Variants in MLLT10 observed in about 807,000 individuals in gnomAD.
MLLT10 encodes the protein protein AF-10.
A neutral mutation model predicts 129.1 loss-of-function variants in MLLT10; 30 were observed. The ratio of observed to expected loss-of-function variants is 0.23; its 90% CI spans 0.17 to 0.32. The LOEUF (loss-of-function observed/expected upper bound fraction) is 0.32. Among genes scored for constraint, MLLT10 ranks in the 10% least tolerant of loss-of-function variants. The probability of loss-of-function intolerance (pLI) is 1.00; values close to 1 mark genes in which losing one functional copy is unlikely to be tolerated. For missense variants in MLLT10, 1,119 were observed against 1,268.3 expected, an observed-to-expected ratio of 0.88 and a Z score of 1.79; for synonymous variants, 490 against 446.4, an observed-to-expected ratio of 1.10 and a Z score of -1.23.
At chr10:21,639,900 T>G (rs775826500) in intron 8 of MLLT10, among the ~76,000 whole-genome samples, 1 of 151,858 alleles carries the variant, frequency 6.6e-6, no homozygotes, top group Non-Finnish European at 1.5e-5. Flanking sequence ...TCATGGCCTG[T>G]CTTGGGGAGA....
chr10:21,717,665 T>TTCCTCCTCCTCTTCCTCCTCCTCTTCC (rs1564710862), intron 14 of MLLT10, among the ~76,000 whole-genome samples: 1 of 39,412 alleles, frequency 2.5e-5, no homozygotes, highest in African/African-American at 1.1e-4. Flanking sequence ...CCTCCTCCTC[T>TTCCTCCTCCTCTTCCTCCTCCTCTTCC]TCCTCCTCCT....
intron 13 of MLLT10, among the ~76,000 whole-genome samples, chr10:21,709,008 TAAG>T (rs1736990628): frequency 6.6e-6 from 1 of 152,162 alleles, no homozygotes; most frequent in African/African-American, 2.4e-5. Context: ...GTTTTATAGA[TAAG>T]AATAATATGG....
intron 8 of MLLT10, among the ~76,000 whole-genome samples, chr10:21,645,720 A>T (rs1262582693): frequency 2.6e-5 from 4 of 152,212 alleles, no homozygotes; most frequent in African/African-American, 9.7e-5. Context: ...TTTGTCCCAG[A>T]CATTTCTGTC....
intron 3 of MLLT10, among the ~76,000 whole-genome samples, chr10:21,553,201 CTTGA>C (rs1318153681): frequency 2.0e-5 from 3 of 152,096 alleles, no homozygotes; most frequent in African/African-American, 7.2e-5. Context: ...TGCTATCTTA[CTTGA>C]TTGTTTGACA....
At chr10:21,576,262 A>C (rs1475383069) in intron 3 of MLLT10, among the ~76,000 whole-genome samples, 2 of 127,308 alleles carry the variant, frequency 1.6e-5, no homozygotes, top group Admixed American at 8.3e-5. Context: ...TTTTTTTTTG[A>C]GATGGAGTCT....
chr10:21,669,067 T>TTCA, intron 9 of MLLT10: 2 of 1,355,586 alleles, frequency 1.5e-6, no homozygotes, highest in Non-Finnish European at 1.9e-6. Flanking sequence ...GCCATGAAGT[T>TTCA]TCATCAGCTT....
chr10:21,541,656 G>T (rs1352786363), intron 3 of MLLT10, among the ~76,000 whole-genome samples: 1 of 152,122 alleles, frequency 6.6e-6, no homozygotes, highest in African/African-American at 2.4e-5. Context: ...GAAGTACTGG[G>T]ATTACAGGCG....
At chr10:21,657,674 G>A (rs2131339106) in intron 9 of MLLT10, among the ~76,000 whole-genome samples, 1 of 152,176 alleles carries the variant, frequency 6.6e-6, no homozygotes, top group East Asian at 1.9e-4. Flanking sequence ...TTAAAGTACA[G>A]CTTTTGTTTG....
intron 3 of MLLT10, among the ~76,000 whole-genome samples, chr10:21,544,616 T>C (rs1438123768): frequency 2.0e-5 from 3 of 152,102 alleles, no homozygotes; most frequent in Admixed American, 6.6e-5. Flanking sequence ...ACTATAAAGA[T>C]GTGGGAATAC....
At chr10:21,572,829 G>GT (rs1455892734) in intron 3 of MLLT10, among the ~76,000 whole-genome samples, 2 of 151,964 alleles carry the variant, frequency 1.3e-5, no homozygotes, top group Non-Finnish European at 2.9e-5. Flanking sequence ...GGCCAGGCTG[G>GT]TCAACTCCTG....
At chr10:21,628,992 C>T (rs2046750376) in intron 8 of MLLT10, among the ~76,000 whole-genome samples, 1 of 151,958 alleles carries the variant, frequency 6.6e-6, no homozygotes, top group Non-Finnish European at 1.5e-5. Context: ...CAGGTGATTG[C>T]CCACCTTGGC....
chr10:21,708,477 A>C, intron 13 of MLLT10: 1 of 739,216 alleles, frequency 1.4e-6, no homozygotes, highest in Non-Finnish European at 1.7e-6. Context: ...GTTGAAGGGA[A>C]TACATTATTT....
intron 3 of MLLT10, among the ~76,000 whole-genome samples, chr10:21,540,950 A>G (rs944558822): frequency 5.3e-5 from 8 of 152,252 alleles, no homozygotes; most frequent in African/African-American, 1.7e-4. Context: ...ACCTGAGGTC[A>G]GGAGTTTGAG....
intron 5 of MLLT10, among the ~76,000 whole-genome samples, chr10:21,599,242 T>C (rs1444449455): frequency 6.6e-6 from 1 of 151,488 alleles, no homozygotes; most frequent in African/African-American, 2.4e-5. Context: ...CTCGGGAGGC[T>C]GAGACAGGAG....
At chr10:21,695,214 C>CGT (rs1016647536) in intron 13 of MLLT10, among the ~76,000 whole-genome samples, 3 of 151,990 alleles carry the variant, frequency 2.0e-5, no homozygotes, top group Non-Finnish European at 4.4e-5. Context: ...GGATTACAGG[C>CGT]GTGTGTCATC....
At chr10:21,577,691 G>A (rs2131059481) in intron 3 of MLLT10, among the ~76,000 whole-genome samples, 1 of 151,944 alleles carries the variant, frequency 6.6e-6, no homozygotes, top group Middle Eastern at 3.4e-3. Context: ...GGCTAGTCTT[G>A]AACTCCTGAC....
intron 14 of MLLT10, among the ~76,000 whole-genome samples, chr10:21,720,248 G>C (rs2057033971): frequency 6.6e-6 from 1 of 152,160 alleles, no homozygotes; most frequent in Non-Finnish European, 1.5e-5. Flanking sequence ...AACAATTAGG[G>C]AGCAGTTTGG....
chr10:21,544,201 A>G (rs925328327), intron 3 of MLLT10, among the ~76,000 whole-genome samples: 2 of 152,208 alleles, frequency 1.3e-5, no homozygotes, highest in African/African-American at 4.8e-5. Flanking sequence ...CCACTGTGTT[A>G]CCTCTTAACC....
intron 8 of MLLT10, among the ~76,000 whole-genome samples, chr10:21,619,605 G>A (rs540645682): frequency 6.6e-6 from 1 of 152,246 alleles, no homozygotes; most frequent in South Asian, 2.1e-4. Context: ...TTAATATTTA[G>A]AAGTATGTAA....
Sources: allele counts gnomAD v4.1 joint callset (sites outside exome capture counted in the v4.1 genomes callset), GRCh38; gene constraint gnomAD v4.1.1; transcripts MANE v1.5; gene names NCBI Gene and HGNC (gene_info 2026-07-23, HGNC 2026-07-21).